ULK4: variants seen among roughly 807,000 people sequenced by gnomAD.
ULK4 encodes inactive serine/threonine-protein kinase ULK4.
Under a neutral mutation model 160.6 loss-of-function variants are expected in ULK4, and 133 were observed. That is an observed-to-expected ratio of 0.83 (90% CI 0.72 to 0.96). The LOEUF is 0.96. ULK4 is among the 40% of genes least tolerant of loss of function. The pLI is 0.00. For synonymous variants in ULK4, 534 were observed against 539.8 expected (o/e 0.99, Z 0.15); for missense variants, 1,580 against 1,499.5 (o/e 1.05, Z -0.89).
chr3:41,716,429 G>A (rs549743133), intron 23 of ULK4, among the ~76,000 whole-genome samples: 40 of 152,078 alleles, frequency 2.6e-4, no homozygotes, highest in African/African-American at 8.7e-4. Context: ...GGATAAGTCC[G>A]GTAATAAAGA....
chr3:41,574,321 A>G (rs1213984480), intron 31 of ULK4, among the ~76,000 whole-genome samples: 1 of 152,024 alleles, frequency 6.6e-6, no homozygotes, highest in Non-Finnish European at 1.5e-5. Context: ...CAAACCTTAG[A>G]ATCATCGGGA....
intron 31 of ULK4, among the ~76,000 whole-genome samples, chr3:41,594,047 G>A (rs938398307): frequency 6.6e-6 from 1 of 151,742 alleles, no homozygotes; most frequent in Non-Finnish European, 1.5e-5. Flanking sequence ...TGTGTCGAAA[G>A]AGAGAAAAGA....
rs200465285 is a variant in ULK4, at chr3:41,935,775, G to C, written c.378+26C>G. On this transcript the variant is annotated intron_variant, in intron 4 of 36. Coordinates refer to ENST00000301831, the MANE Select transcript of ULK4 (RefSeq NM_017886.4). ...CTCTAATTTGAGACAGAAGCAGTTA[G>C]AAAATCAAAAACTTTCATGAATTAC... 1,782 of 1,590,012 alleles carry C rather than the reference G, an allele frequency of 1.1e-3. 7 individuals are homozygous for C. In the Middle Eastern group the frequency reaches 0.012, roughly 10 times the overall value.
intron 18 of ULK4, among the ~76,000 whole-genome samples, chr3:41,825,686 G>C (rs1037599176): frequency 3.9e-5 from 6 of 152,218 alleles, no homozygotes; most frequent in African/African-American, 1.4e-4. Flanking sequence ...CGTCTGATTG[G>C]TGTACCTGAA....
At chr3:41,961,965 G>C (rs899816103) in intron 1 of ULK4, 51 bp downstream of exon 1, 2 of 152,454 alleles carry the variant, frequency 1.3e-5, no homozygotes, top group Admixed American at 6.5e-5. Context: ...CGACCGCTTA[G>C]GCAGACACGA....
chr3:41,687,679 T>C (rs918526715), intron 27 of ULK4, among the ~76,000 whole-genome samples: 1 of 152,194 alleles, frequency 6.6e-6, no homozygotes, highest in Non-Finnish European at 1.5e-5. Context: ...CCAATCCCCA[T>C]GTCTTGAAAA....
rs182499249 is a variant in ULK4, at chr3:41,642,852, T to C, written c.3071+20755A>G. Among the ~76,000 whole-genome samples the C allele has an allele frequency of 8.5e-4, 129 of 152,324 alleles. 1 individual carries two copies. The highest frequency in any genetic ancestry group is 2.8e-3 in the African/African-American group (118 of 41,568). Reference sequence around the variant, plus strand: ...TTCTCCACCTCCTCTCCAGCACCTGTTGTTTTCCTCACTTTTTAATGATCG... The same window carrying C: ...TTCTCCACCTCCTCTCCAGCACCTGCTGTTTTCCTCACTTTTTAATGATCG... On this transcript the variant is annotated intron_variant, in intron 30 of 36. Coordinates refer to ENST00000301831, the MANE Select transcript of ULK4 (RefSeq NM_017886.4).
At chr3:41,559,792 G>A (rs1237423768) in intron 32 of ULK4, among the ~76,000 whole-genome samples, 1 of 152,070 alleles carries the variant, frequency 6.6e-6, no homozygotes, top group Admixed American at 6.6e-5. Flanking sequence ...CAGATGGGTA[G>A]ACTGCAAAGA....
At chr3:41,627,860 C>T (rs560894277) in intron 30 of ULK4, among the ~76,000 whole-genome samples, 1 of 152,172 alleles carries the variant, frequency 6.6e-6, no homozygotes, top group South Asian at 2.1e-4. Flanking sequence ...TAGGAATTGG[C>T]CAGTTATGAT....
chr3:41,566,333 C>G (rs758867983), intron 31 of ULK4, among the ~76,000 whole-genome samples: 3 of 152,170 alleles, frequency 2.0e-5, no homozygotes, highest in African/African-American at 4.8e-5. Context: ...GGGTAAATCA[C>G]CCAGACACCA....
intron 27 of ULK4, among the ~76,000 whole-genome samples, chr3:41,696,454 T>C (rs796988989): frequency 5.1e-4 from 78 of 152,260 alleles, no homozygotes; most frequent in African/African-American, 1.9e-3. Flanking sequence ...TTACCTATCA[T>C]TGGAAATGAC....
intron 32 of ULK4, among the ~76,000 whole-genome samples, chr3:41,506,541 C>T (rs2085377698): frequency 6.6e-6 from 1 of 151,852 alleles, no homozygotes; most frequent in Non-Finnish European, 1.5e-5. Context: ...GTTACTGCTG[C>T]TGCTGCTGCT....
chr3:41,307,349 C>T (rs1017792716), intron 35 of ULK4, among the ~76,000 whole-genome samples: 1 of 152,150 alleles, frequency 6.6e-6, no homozygotes, highest in Non-Finnish European at 1.5e-5. Context: ...GGGAGGGAAG[C>T]TCCAGCCCTT....
chr3:41,897,080 A>G, intron 14 of ULK4, 77 bp from the exon 15 acceptor site: 1 of 1,315,282 alleles, frequency 7.6e-7, no homozygotes, highest in African/African-American at 1.5e-5. Context: ...AGAAATAAAC[A>G]CAGAATTACG....
At chr3:41,763,821 A>G (rs993366613) in intron 21 of ULK4, among the ~76,000 whole-genome samples, 3 of 152,254 alleles carry the variant, frequency 2.0e-5, no homozygotes, top group Non-Finnish European at 4.4e-5. Context: ...GTCCATCAAT[A>G]TATGAAAGCT....
chr3:41,383,103 TG>T (rs1247985085), intron 35 of ULK4, among the ~76,000 whole-genome samples: 1 of 103,898 alleles, frequency 9.6e-6, no homozygotes, highest in African/African-American at 3.4e-5. Context: ...TTTTTTTTCT[TG>T]TTTTTTTTTC....
chr3:41,443,901 A>G (rs926852421), intron 34 of ULK4, among the ~76,000 whole-genome samples: 1 of 152,120 alleles, frequency 6.6e-6, no homozygotes, highest in Admixed American at 6.5e-5. Flanking sequence ...GAGTAGCACA[A>G]TATCTACCCT....
intron 22 of ULK4, among the ~76,000 whole-genome samples, chr3:41,747,297 C>T (rs1012023192): frequency 6.6e-6 from 1 of 151,868 alleles, no homozygotes; most frequent in African/African-American, 2.4e-5. Context: ...TCTCGAAATT[C>T]CATCTTTGGC....
At chr3:41,883,790 C>T (rs1290516234) in intron 17 of ULK4, 84 bp downstream of exon 17, 13 of 1,133,450 alleles carry the variant, frequency 1.1e-5, no homozygotes, top group East Asian at 2.4e-5. Flanking sequence ...AAGTGAAGGT[C>T]GGTGAAAGCT....
Sources: allele counts gnomAD v4.1 joint callset (sites outside exome capture counted in the v4.1 genomes callset), GRCh38; gene constraint gnomAD v4.1.1; transcripts MANE v1.5; gene names NCBI Gene and HGNC (gene_info 2026-07-23, HGNC 2026-07-21).